CROT: variants seen among roughly 807,000 people sequenced by gnomAD.
CROT encodes carnitine O-octanoyltransferase.
In CROT, 84 loss-of-function variants were observed where a neutral mutation model predicts 89.2. The observed-to-expected ratio is 0.94, with a 90% CI of 0.79 to 1.13. The LOEUF (loss-of-function observed/expected upper bound fraction) is 1.13. Among genes scored for constraint, CROT ranks in the 50% most tolerant of loss-of-function variants. The pLI is 0.00. For missense variants in CROT, 711 were observed against 727.8 expected, an observed-to-expected ratio of 0.98 and a Z score of 0.27; for synonymous variants, 212 against 239.5, an observed-to-expected ratio of 0.89 and a Z score of 1.06.
At position 87,354,232 on chromosome 7, in the gene CROT, G is replaced by T. The variant is rs190365680; in HGVS notation, c.116-4974G>T. 2.0e-3 allele frequency among the ~76,000 whole-genome samples: 301 copies of T among 152,128 alleles called. 1 individual carries two copies. The highest frequency in any genetic ancestry group is 6.9e-3 in the African/African-American group (286 of 41,500). On this transcript the variant is annotated intron_variant, in intron 3 of 17. Transcript: ENST00000331536. ...TTAAGCCTTTTAAATCTTAGTTTTG[G>T]CAACCAAAAAAACCTAATAAAGACA...
intron 10 of CROT, among the ~76,000 whole-genome samples, chr7:87,380,548 A>G (rs1006897620): frequency 8.5e-5 from 13 of 152,224 alleles, no homozygotes; most frequent in Non-Finnish European, 1.8e-4. Context: ...TCAGAACCAA[A>G]GCCTACATTC....
At chr7:87,352,518 A>G (rs894146151) in intron 3 of CROT, among the ~76,000 whole-genome samples, 2 of 152,234 alleles carry the variant, frequency 1.3e-5, no homozygotes, top group African/African-American at 2.4e-5. Flanking sequence ...TATAAATTCT[A>G]TACATTAAGC....
At position 87,398,826 on chromosome 7, in the gene CROT, G is replaced by A. The variant is rs1032728829; in HGVS notation, c.*182G>A. 6 of 612,232 alleles carry A rather than the reference G, an allele frequency of 9.8e-6. No homozygotes were observed. Among genetic ancestry groups the A allele is most frequent in the Admixed American group, 6.6e-5 (2 of 30,268 alleles). 37.9% of individuals were successfully genotyped at this position (612,232 alleles called of 1,614,324 possible). A position where few individuals can be genotyped will look rare whatever the true frequency, so the allele number is the denominator to read the frequency against. On this transcript the variant is annotated 3_prime_UTR_variant, in exon 18 of 18. Coordinates refer to ENST00000331536, the MANE Select transcript of CROT (RefSeq NM_021151.4). ...CTCTAAATTTATTCTGCCATAGAAG[G>A]TAGAAATATTTTTAAGCTCCTCTGA...
chr7:87,364,576 A>G (rs1806380870), intron 6 of CROT, among the ~76,000 whole-genome samples: 1 of 152,236 alleles, frequency 6.6e-6, no homozygotes, highest in South Asian at 2.1e-4. Context: ...TTTGGAAATA[A>G]TGCTTGCAAG....
chr7:87,359,335 T>G lies in CROT; in HGVS notation c.240+5T>G, dbSNP rs1036305650. ...GCAAAAGGAAAAAGAAATTGGGTAT[T>G]TGTTGTTATAATTGAATAATGATGA... On this transcript the variant is annotated splice_donor_5th_base_variant and intron_variant, in intron 4 of 17. Coordinates refer to ENST00000331536, the MANE Select transcript of CROT (RefSeq NM_021151.4). 4 of 1,591,696 alleles carry G rather than the reference T, an allele frequency of 2.5e-6. No homozygotes were observed. The Admixed American group carries it at 5.1e-5, about 20-fold the overall frequency.
At chr7:87,357,371 A>C in intron 3 of CROT, 2 of 1,109,010 alleles carry the variant, frequency 1.8e-6, no homozygotes, top group Non-Finnish European at 2.6e-6. Context: ...TACCCTAGAG[A>C]CTCTAACCCC....
chr7:87,391,996 A>G (rs1807375486), intron 14 of CROT, among the ~76,000 whole-genome samples: 1 of 152,188 alleles, frequency 6.6e-6, no homozygotes, highest in South Asian at 2.1e-4. Context: ...AACAACACCA[A>G]CAAAGTGCAG....
intron 14 of CROT, 48 bp from the exon 15 acceptor site, chr7:87,392,517 TG>T (rs1340213330): frequency 1.4e-6 from 2 of 1,433,292 alleles, no homozygotes; most frequent in Non-Finnish European, 1.9e-6. Flanking sequence ...TTTTTCTAGT[TG>T]GGTTTTGCAC....
chr7:87,361,316 T>C, intron 4 of CROT, 74 bp from the exon 5 acceptor site: 1 of 1,396,704 alleles, frequency 7.2e-7, no homozygotes, highest in Non-Finnish European at 9.9e-7. Flanking sequence ...TATAGCTTGC[T>C]TTTTAAAATT....
rs573569992 is a variant in CROT, at chr7:87,398,748, C to T, written c.*104C>T. 2.1e-4 allele frequency: 234 copies of T among 1,098,934 alleles called. 1 individual carries two copies. Among genetic ancestry groups the T allele is most frequent in the Middle Eastern group, 1.9e-3 (9 of 4,668 alleles). The allele number at this position is 1,098,934 out of a possible 1,614,324, so 68.1% of individuals were successfully genotyped here. A position where few individuals can be genotyped will look rare whatever the true frequency, so the allele number is the denominator to read the frequency against. On this transcript the variant is annotated 3_prime_UTR_variant, in exon 18 of 18. Coordinates refer to ENST00000331536, the MANE Select transcript of CROT (RefSeq NM_021151.4). ...GAAGGAATGTTGACTTGCTAACATT[C>T]CTTTAACAAGTTAAGAAAACTTGTT...
intron 6 of CROT, among the ~76,000 whole-genome samples, chr7:87,364,803 A>C (rs1199441334): frequency 1.3e-5 from 2 of 152,096 alleles, no homozygotes; most frequent in African/African-American, 4.8e-5. Context: ...ATTAGGAGGG[A>C]ATGCAGAAAG....
At chr7:87,375,537 C>A in intron 7 of CROT, 95 bp from the exon 8 acceptor site, 2 of 806,254 alleles carry the variant, frequency 2.5e-6, no homozygotes, top group South Asian at 1.8e-5. Context: ...TATATCCAAA[C>A]ATTTAAATAT....
intron 6 of CROT, among the ~76,000 whole-genome samples, chr7:87,364,942 G>A (rs562215606): frequency 6.6e-6 from 1 of 152,264 alleles, no homozygotes; most frequent in South Asian, 2.1e-4. Context: ...TGAGGAGAAA[G>A]GAGGTTTGAA....
At chr7:87,391,817 T>A in intron 14 of CROT, 105 bp downstream of exon 14, 6 of 1,137,164 alleles carry the variant, frequency 5.3e-6, no homozygotes, top group Non-Finnish European at 6.2e-6. Flanking sequence ...CCTGGATCAT[T>A]AAAATACTTT....
intron 10 of CROT, among the ~76,000 whole-genome samples, chr7:87,379,766 T>C (rs1377382193): frequency 1.3e-5 from 2 of 152,204 alleles, no homozygotes; most frequent in African/African-American, 4.8e-5. Flanking sequence ...CCTTCTAACC[T>C]AAGATGATTA....
Position 87,375,957 on chromosome 7 carries a change from C to A in CROT, c.876+4C>A. 1 of 1,524,654 alleles carries A rather than the reference C, an allele frequency of 6.6e-7. No individual in the cohort carries two copies. The highest frequency in any genetic ancestry group is 8.8e-7 in the Non-Finnish European group (1 of 1,142,186). 94.4% of individuals were successfully genotyped at this position (1,524,654 alleles called of 1,614,324 possible). A position where few individuals can be genotyped will look rare whatever the true frequency, so the allele number is the denominator to read the frequency against. On this transcript the variant is annotated splice_donor_region_variant and intron_variant, in intron 9 of 17. Coordinates refer to ENST00000331536, the MANE Select transcript of CROT (RefSeq NM_021151.4). ...AACACCAGAGGATTATTCTGAGGTA[C>A]TTAACTACCTTCTCTTTTTTTTTTT...
Position 87,369,454 on chromosome 7 carries a change from G to A in CROT, c.626G>A (p.Gly209Glu), listed in dbSNP as rs1283459118. 2 of 1,612,708 alleles carry A rather than the reference G, an allele frequency of 1.2e-6. No individual in the cohort carries two copies. The highest frequency in any genetic ancestry group is 1.7e-6 in the Non-Finnish European group (2 of 1,179,290). ...RAFVFDVIHE[G>E]CLVTPPELLR... is the part of the protein sequence containing the mutation. Reference sequence around the variant, plus strand: ...TTTGTCTTTGATGTAATACATGAAGGATGTTTGGTCACCCCGCCAGAGCTT... The same window carrying A: ...TTTGTCTTTGATGTAATACATGAAGAATGTTTGGTCACCCCGCCAGAGCTT... Residue 209 changes from glycine to glutamate, a missense_variant, in exon 7 of 18, where the codon GGA becomes GAA. By Grantham distance (98) the Gly-to-Glu change is moderately conservative. Transcript: ENST00000331536.
intron 4 of CROT, chr7:87,360,255 A>G (rs1423737188): frequency 7.3e-6 from 2 of 272,988 alleles, no homozygotes; most frequent in African/African-American, 4.6e-5. Context: ...TCAATTGCAT[A>G]TTGTGAAAGA....
intron 17 of CROT, 89 bp from the exon 18 acceptor site, chr7:87,398,435 A>C: frequency 6.8e-7 from 1 of 1,463,070 alleles, no homozygotes; most frequent in Non-Finnish European, 9.5e-7. Flanking sequence ...TCATGTATGA[A>C]TATCCAGATG....
Sources: allele counts gnomAD v4.1 joint callset (sites outside exome capture counted in the v4.1 genomes callset), GRCh38; gene constraint gnomAD v4.1.1; transcripts MANE v1.5; gene names NCBI Gene and HGNC (gene_info 2026-07-23, HGNC 2026-07-21).